MKRN2OS: variants seen among roughly 807,000 people sequenced by gnomAD.
The protein encoded by MKRN2OS is MKRN2 opposite strand, also known as MKRN2 opposite strand protein.
MKRN2OS carries 17 observed loss-of-function variants against 18.2 expected under a neutral mutation model. The observed-to-expected ratio is 0.93, with a 90% CI of 0.64 to 1.40. The LOEUF is 1.40. Among genes scored for constraint, MKRN2OS ranks in the 40% most tolerant of loss-of-function variants. MKRN2OS has a pLI of 0.00. For synonymous variants in MKRN2OS, 121 were observed against 108.5 expected, an observed-to-expected ratio of 1.12 and a Z score of -0.72; for missense variants, 337 against 283.0, an observed-to-expected ratio of 1.19 and a Z score of -1.37.
chr3:12,544,670 ACT>A (rs974076266), intron 1 of MKRN2OS, among the ~76,000 whole-genome samples: 32 of 132,406 alleles, frequency 2.4e-4, no homozygotes, highest in African/African-American at 1.0e-3. Flanking sequence ...CAAGAGCGAA[ACT>A]CTGTCTCGGG....
intron 1 of MKRN2OS, among the ~76,000 whole-genome samples, chr3:12,556,755 GT>G (rs1490823861): frequency 1.3e-5 from 2 of 152,186 alleles, no homozygotes; most frequent in African/African-American, 2.4e-5. Flanking sequence ...AGAGGCTGGA[GT>G]TTCCCCAGGA....
chr3:12,549,246 GTTAT>G (rs925963396), upstream of MKRN2OS, among the ~76,000 whole-genome samples: 7 of 149,426 alleles, frequency 4.7e-5, no homozygotes, highest in Non-Finnish European at 5.9e-5. Flanking sequence ...CCTGGCCTAT[GTTAT>G]TTATTTGTTT....
At chr3:12,557,233 G>T in intron 1 of MKRN2OS, 1 of 1,514,996 alleles carries the variant, frequency 6.6e-7, no homozygotes. Context: ...AGGGGGGCCG[G>T]TGCGCGCCAG....
chr3:12,548,464 A>AAAAAAAG (rs2057903712), upstream of MKRN2OS, among the ~76,000 whole-genome samples: 1 of 104,888 alleles, frequency 9.5e-6, no homozygotes, highest in Non-Finnish European at 1.9e-5. Flanking sequence ...AAAAAAAAAA[A>AAAAAAAG]AAAAAAAAAA....
At chr3:12,551,494 CA>C (rs11454728), downstream of MKRN2OS, among the ~76,000 whole-genome samples, 524 of 117,506 alleles carry the variant, frequency 4.5e-3, 8 homozygotes, top group South Asian at 0.027. Context: ...GACTCCATCT[CA>C]AAAAAAAAAA....
At position 12,545,299 on chromosome 3, in the gene MKRN2OS, G is replaced by A. The variant is rs760067179; in HGVS notation, c.166C>T (p.His56Tyr). The change falls in exon 1 of 4, where the codon CAT (histidine) becomes TAT (tyrosine). Residue 56 changes from histidine to tyrosine, a missense_variant. His to Tyr is a moderately conservative substitution (Grantham distance 83, BLOSUM62 2). Transcript: ENST00000564146. ...AGGAGGAATGAACATTTTTCTTGAT[G>A]TCCATTAGTAAATGGATTAGCGATG... is the stretch of plus-strand genomic sequence containing the variant. Reference protein sequence around the residue: ...VSIANPFTNGHQEKCSFLLRP... With the variant: ...VSIANPFTNGYQEKCSFLLRP... The A allele has an allele frequency of 1.2e-5, 19 of 1,535,896 alleles. No individual in the cohort carries two copies. Among genetic ancestry groups the A allele is most frequent in the African/African-American group, 5.5e-5 (4 of 73,038 alleles).
chr3:12,554,718 T>C (rs1382835503), intron 1 of MKRN2OS, among the ~76,000 whole-genome samples: 3 of 152,066 alleles, frequency 2.0e-5, no homozygotes, highest in African/African-American at 7.2e-5. Context: ...TCTCCACTGA[T>C]TATGTACGCT....
At chr3:12,557,445 G>T (rs916528477) in intron 1 of MKRN2OS, among the ~76,000 whole-genome samples, 3 of 152,254 alleles carry the variant, frequency 2.0e-5, no homozygotes, top group Non-Finnish European at 4.4e-5. Context: ...GAGGAAGGAC[G>T]TCCTAGCCAG....
chr3:12,553,443 A>G (rs2057943955), downstream of MKRN2OS, among the ~76,000 whole-genome samples: 1 of 152,178 alleles, frequency 6.6e-6, no homozygotes, highest in African/African-American at 2.4e-5. Flanking sequence ...CAAAAAAAAA[A>G]GTGATAAAAG....
At chr3:12,543,815 C>T (rs2057849091) in intron 1 of MKRN2OS, among the ~76,000 whole-genome samples, 1 of 151,460 alleles carries the variant, frequency 6.6e-6, no homozygotes, top group East Asian at 1.9e-4. Flanking sequence ...TCGCTTGAAC[C>T]TGGGAGGCGG....
At chr3:12,553,022 A>T (rs2057941230), downstream of MKRN2OS, among the ~76,000 whole-genome samples, 1 of 112,544 alleles carries the variant, frequency 8.9e-6, no homozygotes, top group Non-Finnish European at 2.3e-5. Flanking sequence ...TCTCCAAAAA[A>T]AAAAAAAAAA....
At chr3:12,552,585 A>G (rs574495450), downstream of MKRN2OS, among the ~76,000 whole-genome samples, 151 of 151,336 alleles carry the variant, frequency 1.0e-3, no homozygotes, top group Non-Finnish European at 1.7e-3. Flanking sequence ...ATAATTTTGT[A>G]TCTTTAGTAG....
downstream of MKRN2OS, among the ~76,000 whole-genome samples, chr3:12,550,530 T>C (rs1575508584): frequency 6.6e-6 from 1 of 152,126 alleles, no homozygotes; most frequent in South Asian, 2.1e-4. Flanking sequence ...CTGGGCAAAA[T>C]AGCAAGACCC....
chr3:12,544,707 C>A (rs1311780465), intron 1 of MKRN2OS, among the ~76,000 whole-genome samples: 1 of 151,916 alleles, frequency 6.6e-6, no homozygotes, highest in East Asian at 1.9e-4. Context: ...ATAATCCTTT[C>A]TTTTGCTTTC....
downstream of MKRN2OS, among the ~76,000 whole-genome samples, chr3:12,552,171 T>C (rs1043579243): frequency 2.5e-4 from 38 of 151,118 alleles, no homozygotes; most frequent in African/African-American, 8.3e-4. Flanking sequence ...TACAAAAAAT[T>C]AGCTGGGCGG....
intron 2 of MKRN2OS, among the ~76,000 whole-genome samples, chr3:12,542,903 T>C (rs2057835504): frequency 4.6e-5 from 7 of 152,132 alleles, no homozygotes; most frequent in Admixed American, 3.9e-4. Context: ...GACATCTATT[T>C]CTTCCTCTTT....
chr3:12,543,479 C>T (rs949734363), intron 1 of MKRN2OS, among the ~76,000 whole-genome samples: 41 of 152,032 alleles, frequency 2.7e-4, no homozygotes, highest in African/African-American at 8.2e-4. Context: ...CCCAGCTACT[C>T]GGGAGGTTGA....
At chr3:12,553,167 CATTTT>C (rs2057942130), downstream of MKRN2OS, among the ~76,000 whole-genome samples, 1 of 152,072 alleles carries the variant, frequency 6.6e-6, no homozygotes, top group African/African-American at 2.4e-5. Context: ...CTTCCAAACT[CATTTT>C]ATGAGACCAG....
chr3:12,545,285 A>C lies in MKRN2OS; in HGVS notation c.180T>G (p.Cys60Trp). The C allele has an allele frequency of 6.5e-7, 1 of 1,536,064 alleles. No individual in the cohort carries two copies. Among genetic ancestry groups the C allele is most frequent in the Non-Finnish European group, 8.7e-7 (1 of 1,146,868 alleles). The change falls in exon 1 of 4, where the codon TGT (cysteine) becomes TGG (tryptophan). Residue 60 changes from cysteine to tryptophan, a missense_variant. Physicochemically the swap from Cys to Trp is radical, Grantham distance 215. Coordinates refer to ENST00000564146, the MANE Select transcript of MKRN2OS (RefSeq NM_001195279.2). ...NPFTNGHQEK[C>W]SFLLRPTQGT... ...CCTGAGTTGGTCTGAGGAGGAATGA[A>C]CATTTTTCTTGATGTCCATTAGTAA...
Sources: gnomAD v4.1 joint callset for allele counts (sites outside exome capture counted in the v4.1 genomes callset) on GRCh38, gnomAD v4.1.1 for gene constraint, MANE v1.5 for transcripts, NCBI Gene and HGNC (gene_info 2026-07-23, HGNC 2026-07-21) for gene names.